The following PDPR variants were observed in gnomAD, a reference collection of about 807,000 sequenced individuals.
PDPR encodes pyruvate dehydrogenase phosphatase regulatory subunit, also known as pyruvate dehydrogenase phosphatase regulatory subunit, mitochondrial.
In PDPR, 50 loss-of-function variants were observed where a neutral mutation model predicts 102.2. That is an observed-to-expected ratio of 0.49 (90% CI 0.39 to 0.62). The LOEUF (loss-of-function observed/expected upper bound fraction) is 0.62, where lower values mean the gene tolerates loss of function less well. Among genes scored for constraint, PDPR ranks in the 20% least tolerant of loss-of-function variants. The pLI is 0.00. For missense variants in PDPR, 625 were observed against 1,098.2 expected (o/e 0.57, Z 6.09); for synonymous variants, 259 against 406.0 (o/e 0.64, Z 4.35).
At position 70,154,436 on chromosome 16, in the gene PDPR, C is replaced by G. The variant is rs577655200; in HGVS notation, c.2235+863C>G. Reference sequence around the variant, plus strand: ...AGGCAGGAGGATCACTTGAGCTCAGCCTGGGCAATACAGCAAGACCTTGTC... The same window carrying G: ...AGGCAGGAGGATCACTTGAGCTCAGGCTGGGCAATACAGCAAGACCTTGTC... On this transcript the variant is annotated intron_variant, in intron 18 of 18. Coordinates refer to ENST00000288050, the MANE Select transcript of PDPR (RefSeq NM_017990.5). Among the ~76,000 whole-genome samples, 10 of 152,408 alleles carry G rather than the reference C, an allele frequency of 6.6e-5. No individual in the cohort carries two copies. In the South Asian group the frequency reaches 2.1e-3, roughly 32 times the overall value.
intron 8 of PDPR, 48 bp downstream of exon 8, chr16:70,131,467 C>T (rs1466478122): frequency 2.0e-6 from 3 of 1,468,066 alleles, no homozygotes; most frequent in East Asian, 4.9e-5. Context: ...TGCCAGTATC[C>T]TGTCCTCTGA....
chr16:70,131,693 G>A (rs1212780348), intron 8 of PDPR: 1 of 985,168 alleles, frequency 1.0e-6, no homozygotes, highest in East Asian at 1.1e-4. Flanking sequence ...GGACTGTCTT[G>A]TTGACTTTTT....
chr16:70,156,594 G>A lies in PDPR; in HGVS notation c.2355G>A (p.Trp785Ter). The A allele has an allele frequency of 6.2e-7, 1 of 1,614,086 alleles. No individual in the cohort carries two copies. The highest frequency in any genetic ancestry group is 8.5e-7 in the Non-Finnish European group (1 of 1,179,902). ...CAGACCTAGACCTTTGGCCTTGGTGGGGAGAGCCCATTTACCGGAATGGGC... is the reference window on the plus strand; with the variant it reads ...CAGACCTAGACCTTTGGCCTTGGTGAGGAGAGCCCATTTACCGGAATGGGC... ...HDSDLDLWPW[W>*]GEPIYRNGQY... Residue 785 changes from tryptophan (W) to a stop codon, truncating the protein, a stop_gained, in exon 19 of 19, where the codon TGG (tryptophan) becomes TGA (stop). Transcript: ENST00000288050. LOFTEE classifies it high-confidence loss of function.
chr16:70,144,907 G>T lies in PDPR; in HGVS notation c.1867+374G>T, dbSNP rs1966092785. 2.0e-5 allele frequency among the ~76,000 whole-genome samples: 3 copies of T among 150,016 alleles called. 1 individual carries two copies. The highest frequency in any genetic ancestry group is 2.1e-4 in the South Asian group (1 of 4,742). On this transcript the variant is annotated intron_variant, in intron 15 of 18. Coordinates refer to ENST00000288050, the MANE Select transcript of PDPR (RefSeq NM_017990.5). ...GAGGCAGAGGTTGCAGTGAGCCCCA[G>T]ATTGCACCACTGCACTCCAGCCTAG...
intron 3 of PDPR, among the ~76,000 whole-genome samples, chr16:70,124,880 G>A (rs2152069132): frequency 6.6e-6 from 1 of 152,382 alleles, no homozygotes; most frequent in Admixed American, 6.5e-5. Context: ...TTTACTGAGT[G>A]ATAAATAATT....
intron 3 of PDPR, among the ~76,000 whole-genome samples, chr16:70,121,127 A>G (rs1009853834): frequency 9.9e-5 from 15 of 151,720 alleles, no homozygotes; most frequent in Admixed American, 3.3e-4. Flanking sequence ...GTTTGTAAAT[A>G]ATGTGGATTG....
In PDPR at chr16:70,138,569, G is replaced by A. The variant is rs141418620; in HGVS notation, c.1191-330G>A. On this transcript the variant is annotated intron_variant, in intron 10 of 18. Coordinates refer to ENST00000288050, the MANE Select transcript of PDPR (RefSeq NM_017990.5). ...GGGTCTTACTATGTTGCCCAGGCTG[G>A]TCTCAAACTCCTGACTTCAAGCAAT... Among the ~76,000 whole-genome samples, 530 of 152,072 alleles carry A rather than the reference G, an allele frequency of 3.5e-3. 2 individuals carry two copies. The highest frequency in any genetic ancestry group is 0.012 in the African/African-American group (498 of 41,420).
chr16:70,148,582 C>T (rs766747007), intron 17 of PDPR, 29 bp downstream of exon 17: 4 of 1,532,130 alleles, frequency 2.6e-6, no homozygotes, highest in Admixed American at 1.8e-5. Context: ...CTTCCCTTCC[C>T]TTCACTTCCC....
intron 2 of PDPR, among the ~76,000 whole-genome samples, chr16:70,115,671 C>T (rs751822270): frequency 6.2e-4 from 94 of 152,256 alleles, no homozygotes; most frequent in Admixed American, 1.1e-3. Context: ...AGGGACAACT[C>T]GAAGTTAGAA....
Position 70,158,204 on chromosome 16 carries a change from G to A in PDPR, c.*1325G>A, listed in dbSNP as rs1293265742. On this transcript the variant is annotated 3_prime_UTR_variant, in exon 19 of 19. Transcript: ENST00000288050. ...TCAGGCAGTGTCTCTGTTTTCCCAA[G>A]GTGAAACTTAGATATCATGGACTGT... 6.6e-6 allele frequency: 1 copy of A among 152,502 alleles called. No individual in the cohort carries two copies. The highest frequency in any genetic ancestry group is 1.9e-4 in the East Asian group (1 of 5,206). The allele number at this position is 152,502 out of a possible 1,614,324, so 9.4% of individuals were successfully genotyped here. A position where few individuals can be genotyped will look rare whatever the true frequency, so the allele number is the denominator to read the frequency against.
rs1252600756 is a variant in PDPR at position 70,157,435 on chromosome 16, A to G, written c.*556A>G. ...ACCTCTGGCAAGAGGATGATTATCT[A>G]CCTCACTGATAAGAGGCATCGCATG... On this transcript the variant is annotated 3_prime_UTR_variant, in exon 19 of 19. Transcript: ENST00000288050. 5 of 352,144 alleles carry G rather than the reference A, an allele frequency of 1.4e-5. No individual in the cohort carries two copies. The highest frequency in any genetic ancestry group is 2.8e-5 in the Non-Finnish European group (5 of 179,636). 21.8% of individuals were successfully genotyped at this position (352,144 alleles called of 1,614,324 possible).
In PDPR at chr16:70,136,213, T is replaced by A; in HGVS notation, c.1017T>A (p.Leu339=). Residue 339 remains leucine (L), a synonymous_variant, in exon 10 of 19, where the codon CTT becomes CTA. Coordinates refer to ENST00000288050, the MANE Select transcript of PDPR (RefSeq NM_017990.5). The part of the protein sequence containing the change: ...WDHFEPLLSS[L]LRRMPELETL... ...GCTCAGAGCCTCTGTTGAGTTCCCT[T>A]CTGAGGAGGATGCCAGAATTAGAGA... The A allele has an allele frequency of 2.5e-6, 4 of 1,599,304 alleles. No homozygotes were observed. Among genetic ancestry groups the A allele is most frequent in the Non-Finnish European group, 2.6e-6 (3 of 1,169,066 alleles).
chr16:70,114,926 G>C lies in PDPR; in HGVS notation c.-37G>C, dbSNP rs1450117969. On this transcript the variant is annotated 5_prime_UTR_variant, in exon 2 of 19. Transcript: ENST00000288050. ...AAGTCACCTAGAAAAATCTGGGACA[G>C]GGCAGTAAGCTTCCTTCTTAATGTT... The C allele has an allele frequency of 6.6e-6, 1 of 152,232 alleles. No homozygotes were observed. Among genetic ancestry groups the C allele is most frequent in the Non-Finnish European group, 1.5e-5 (1 of 68,078 alleles). 9.4% of individuals were successfully genotyped at this position (152,232 alleles called of 1,614,324 possible).
chr16:70,129,684 G>A (rs550681394), intron 6 of PDPR, among the ~76,000 whole-genome samples: 20 of 152,348 alleles, frequency 1.3e-4, no homozygotes, highest in South Asian at 2.1e-4. Flanking sequence ...AATATTTTCC[G>A]CCACAGGACT....
chr16:70,114,370 G>A lies in PDPR; in HGVS notation c.-213G>A, dbSNP rs1962411877. ...GCTTTCCGGCCCGCGGCGACCCCAG[G>A]CAACTGTTGTGGCTGCCGCATTGCT... On this transcript the variant is annotated 5_prime_UTR_variant, in exon 1 of 19. Coordinates refer to ENST00000288050, the MANE Select transcript of PDPR (RefSeq NM_017990.5). 6.6e-6 allele frequency: 1 copy of A among 152,230 alleles called. No homozygotes were observed. Among genetic ancestry groups the A allele is most frequent in the Non-Finnish European group, 1.5e-5 (1 of 68,066 alleles). The allele number at this position is 152,230 out of a possible 1,614,324, so 9.4% of individuals were successfully genotyped here. A position where few individuals can be genotyped will look rare whatever the true frequency, so the allele number is the denominator to read the frequency against.
At position 70,157,550 on chromosome 16, in the gene PDPR, G is replaced by A. The variant is rs559754430; in HGVS notation, c.*671G>A. On this transcript the variant is annotated 3_prime_UTR_variant, in exon 19 of 19. Coordinates refer to ENST00000288050, the MANE Select transcript of PDPR (RefSeq NM_017990.5). ...AAGCCATTAGCAGACCTTTGGGCCA[G>A]GGCAGCCTCCCTATAATTTTCTTCA... 2.2e-4 allele frequency: 44 copies of A among 197,618 alleles called. No individual in the cohort carries two copies. In the South Asian group the frequency reaches 4.2e-3, roughly 19 times the overall value. The allele number at this position is 197,618 out of a possible 1,614,324, so 12.2% of individuals were successfully genotyped here. A position where few individuals can be genotyped will look rare whatever the true frequency, so the allele number is the denominator to read the frequency against.
intron 11 of PDPR, among the ~76,000 whole-genome samples, chr16:70,139,826 A>C (rs1447743779): frequency 3.9e-5 from 6 of 152,246 alleles, no homozygotes; most frequent in Non-Finnish European, 7.3e-5. Flanking sequence ...GCTCAGGACT[A>C]AGTTTCTGTG....
intron 18 of PDPR, chr16:70,156,258 C>A: frequency 1.7e-6 from 1 of 598,958 alleles, no homozygotes; most frequent in East Asian, 2.9e-5. Context: ...AAAATGCGTA[C>A]CTCTGTTGTT....
intron 17 of PDPR, among the ~76,000 whole-genome samples, chr16:70,148,953 G>A (rs564041224): frequency 1.3e-5 from 2 of 150,906 alleles, no homozygotes; most frequent in Admixed American, 1.3e-4. Flanking sequence ...GGAGTGCAAT[G>A]GCATGACCGT....
Sources: gnomAD v4.1 joint callset for allele counts (sites outside exome capture counted in the v4.1 genomes callset) on GRCh38, gnomAD v4.1.1 for gene constraint, MANE v1.5 for transcripts, NCBI Gene and HGNC (gene_info 2026-07-23, HGNC 2026-07-21) for gene names.